NF1: variants seen among roughly 807,000 people sequenced by gnomAD.
NF1 encodes the protein neurofibromin.
In NF1, 122 loss-of-function variants were observed where a neutral mutation model predicts 325.7. The observed-to-expected ratio is 0.37, with a 90% CI of 0.32 to 0.44. NF1 has a LOEUF of 0.44. NF1 is among the 20% of genes least tolerant of loss of function. The probability of loss-of-function intolerance (pLI) is 1.00; values close to 1 mark genes in which losing one functional copy is unlikely to be tolerated. For missense variants in NF1, 2,140 were observed against 3,415.4 expected, an observed-to-expected ratio of 0.63 and a Z score of 9.31; for synonymous variants, 1,091 against 1,186.0, an observed-to-expected ratio of 0.92 and a Z score of 1.65.
At chr17:31,326,808 G>A (rs2069355647) in intron 37 of NF1, among the ~76,000 whole-genome samples, 1 of 152,174 alleles carries the variant, frequency 6.6e-6, no homozygotes, top group African/African-American at 2.4e-5. Flanking sequence ...TCAAATTGTA[G>A]GAATGTGTGG....
intron 12 of NF1, among the ~76,000 whole-genome samples, chr17:31,210,721 A>G (rs1419896896): frequency 6.6e-6 from 1 of 152,256 alleles, no homozygotes; most frequent in South Asian, 2.1e-4. Flanking sequence ...ATATAATACT[A>G]TGATGTAATA....
At chr17:31,330,602 T>A in intron 39 of NF1, 104 bp downstream of exon 39, 1 of 915,912 alleles carries the variant, frequency 1.1e-6, no homozygotes, top group Admixed American at 2.5e-5. Context: ...ACTTACATTT[T>A]TACTTTTTTT....
chr17:31,118,524 A>G (rs1248299135), intron 1 of NF1, among the ~76,000 whole-genome samples: 1 of 151,974 alleles, frequency 6.6e-6, no homozygotes, highest in African/African-American at 2.4e-5. Flanking sequence ...CGTACTTATG[A>G]ATGAGAACAT....
chr17:31,374,544 T>G lies in NF1; in HGVS notation c.*389T>G, dbSNP rs2070704930. ...CTCTGCCTTCTGTGGTTTTCCCTTC[T>G]TCATCCTACAGAGTAAAGTGTTAGT... On this transcript the variant is annotated 3_prime_UTR_variant, in exon 58 of 58. Coordinates refer to ENST00000358273, the MANE Select transcript of NF1 (RefSeq NM_001042492.3). The G allele has an allele frequency of 2.5e-6, 1 of 395,288 alleles. No homozygotes were observed. Among genetic ancestry groups the G allele is most frequent in the Non-Finnish European group, 4.7e-6 (1 of 212,516 alleles). The allele number at this position is 395,288 out of a possible 1,614,324, so 24.5% of individuals were successfully genotyped here.
intron 11 of NF1, among the ~76,000 whole-genome samples, chr17:31,205,274 G>A (rs917534235): frequency 6.6e-6 from 1 of 152,100 alleles, no homozygotes; most frequent in Non-Finnish European, 1.5e-5. Flanking sequence ...TGTGAGAGAT[G>A]TGAGGCTATT....
intron 29 of NF1, among the ~76,000 whole-genome samples, chr17:31,246,572 A>G (rs569546308): frequency 7.9e-5 from 12 of 152,338 alleles, no homozygotes; most frequent in African/African-American, 2.6e-4. Context: ...ACTTCCTTCA[A>G]GGAGCTTACA....
intron 47 of NF1, among the ~76,000 whole-genome samples, chr17:31,341,484 C>G (rs928341577): frequency 6.6e-6 from 1 of 152,002 alleles, no homozygotes; most frequent in African/African-American, 2.4e-5. Flanking sequence ...GATCACGCCA[C>G]TGCACTCCAG....
In NF1 at chr17:31,181,795, C is replaced by T. The variant is rs750468471; in HGVS notation, c.730+10C>T. ...CAGACTGATATGGCTGGTAAGGATA[C>T]GATTGATTTTTTTTTTTTTTTTGTC... On this transcript the variant is annotated intron_variant, in intron 7 of 57. Coordinates refer to ENST00000358273, the MANE Select transcript of NF1 (RefSeq NM_001042492.3). 15 of 1,546,958 alleles carry T rather than the reference C, an allele frequency of 9.7e-6. No homozygotes were observed. Among genetic ancestry groups the T allele is most frequent in the African/African-American group, 1.4e-5 (1 of 72,282 alleles).
chr17:31,337,223 A>T, intron 42 of NF1, 145 bp from the exon 43 acceptor site: 1 of 714,630 alleles, frequency 1.4e-6, no homozygotes, highest in Non-Finnish European at 2.3e-6. Context: ...CATTAATACA[A>T]TGTATCTAGA....
At chr17:31,189,757 T>C (rs888967874) in intron 8 of NF1, among the ~76,000 whole-genome samples, 7 of 145,426 alleles carry the variant, frequency 4.8e-5, no homozygotes, top group African/African-American at 1.8e-4. Context: ...AAAAGAAAAG[T>C]ATTTTTTTTT....
chr17:31,305,129 T>C (rs17882145), intron 36 of NF1: 2 of 1,614,078 alleles, frequency 1.2e-6, no homozygotes, highest in African/African-American at 1.3e-5. Flanking sequence ...TGAACAGTTA[T>C]TTGTTTTCTA....
chr17:31,304,718 T>G, intron 36 of NF1: 1 of 1,614,224 alleles, frequency 6.2e-7, no homozygotes, highest in Non-Finnish European at 8.5e-7. Flanking sequence ...GAGTCTTCAA[T>G]GTTTTCACTT....
chr17:31,097,885 C>CG (rs1169187016), intron 1 of NF1, among the ~76,000 whole-genome samples: 3 of 151,740 alleles, frequency 2.0e-5, no homozygotes, highest in Non-Finnish European at 2.9e-5. Flanking sequence ...TTAGTAGAGA[C>CG]GGGGGTTTCA....
At chr17:31,273,630 G>A (rs2067946386) in intron 36 of NF1, 1 of 152,126 alleles carries the variant, frequency 6.6e-6, no homozygotes, top group Admixed American at 6.5e-5. Flanking sequence ...CAGCGTCTAT[G>A]GGGAATCTGA....
At chr17:31,151,947 TATGTATAC>T (rs1258307377) in intron 1 of NF1, among the ~76,000 whole-genome samples, 2 of 152,150 alleles carry the variant, frequency 1.3e-5, no homozygotes, top group Non-Finnish European at 2.9e-5. Flanking sequence ...GTTTGTTACA[TATGTATAC>T]ATGTGCCATG....
intron 8 of NF1, chr17:31,183,032 G>T (rs1597660514): frequency 1.9e-6 from 1 of 520,258 alleles, no homozygotes; most frequent in Non-Finnish European, 3.3e-6. Context: ...TGTACTTAGG[G>T]TATGTGTCCA....
At position 31,335,122 on chromosome 17, in the gene NF1, A is replaced by G. The variant is rs555641384; in HGVS notation, c.6006+91A>G. On this transcript the variant is annotated intron_variant, in intron 40 of 57. Transcript: ENST00000358273. ...TGGGCAAAGCACTGCGCTAGACACT[A>G]GGGATAGAGTTGTAAAAAACACAGT... The G allele has an allele frequency of 5.5e-6, 6 of 1,088,490 alleles. No individual in the cohort carries two copies. The Admixed American group carries it at 9.5e-5, about 17-fold the overall frequency. 67.4% of individuals were successfully genotyped at this position (1,088,490 alleles called of 1,614,324 possible). A position where few individuals can be genotyped will look rare whatever the true frequency, so the allele number is the denominator to read the frequency against.
In NF1 at chr17:31,107,711, A is replaced by G. The variant is rs73271667; in HGVS notation, c.60+12342A>G. Among the ~76,000 whole-genome samples, 1,201 of 152,314 alleles carry G rather than the reference A, an allele frequency of 7.9e-3. 22 individuals carry two copies. The highest frequency in any genetic ancestry group is 0.028 in the African/African-American group (1,150 of 41,556). ...ATTCTTCAACCATTTCTCAAAGAACATGTTTTCAAGACACCTCACTATCCT... is the reference window on the plus strand; with the variant it reads ...ATTCTTCAACCATTTCTCAAAGAACGTGTTTTCAAGACACCTCACTATCCT... On this transcript the variant is annotated intron_variant, in intron 1 of 57. Transcript: ENST00000358273.
At chr17:31,366,473 A>G (rs1273766756) in intron 57 of NF1, among the ~76,000 whole-genome samples, 1 of 152,230 alleles carries the variant, frequency 6.6e-6, no homozygotes, top group Non-Finnish European at 1.5e-5. Context: ...GGTAGTGATC[A>G]TAACATTCCT....
Sources: allele counts gnomAD v4.1 joint callset (sites outside exome capture counted in the v4.1 genomes callset), GRCh38; gene constraint gnomAD v4.1.1; transcripts MANE v1.5; gene names NCBI Gene and HGNC (gene_info 2026-07-23, HGNC 2026-07-21).